Variants in PLD5 observed in about 807,000 individuals in gnomAD.
The protein encoded by PLD5 is inactive phospholipase D5.
A neutral mutation model predicts 61.1 loss-of-function variants in PLD5; 36 were observed. The observed-to-expected ratio is 0.59, with a 90% CI of 0.45 to 0.78. The LOEUF is 0.78. PLD5 is among the 30% of genes least tolerant of loss of function. The pLI, the probability that PLD5 is intolerant of heterozygous loss-of-function variation, is 0.00. For synonymous variants in PLD5, 243 were observed against 242.8 expected (o/e 1.00, Z -0.01); for missense variants, 515 against 644.4 (o/e 0.80, Z 2.17).
At chr1:242,413,629 T>C (rs1413715365) in intron 1 of PLD5, among the ~76,000 whole-genome samples, 4 of 152,148 alleles carry the variant, frequency 2.6e-5, no homozygotes, top group Admixed American at 6.5e-5. Flanking sequence ...TTTAATACAA[T>C]GTGAGTGCAT....
chr1:242,318,486 A>C (rs913403935), intron 2 of PLD5, among the ~76,000 whole-genome samples: 2 of 152,198 alleles, frequency 1.3e-5, no homozygotes, highest in African/African-American at 4.8e-5. Flanking sequence ...GTGACCAGCA[A>C]GCCTCGACAC....
intron 1 of PLD5, among the ~76,000 whole-genome samples, chr1:242,406,417 C>T (rs75648676): frequency 0.04 from 6,118 of 152,210 alleles, 421 homozygotes; most frequent in African/African-American, 0.14. Context: ...ATAACTATGC[C>T]CAAGAAAACA....
chr1:242,186,286 G>A (rs538642259), intron 5 of PLD5, among the ~76,000 whole-genome samples: 7 of 151,840 alleles, frequency 4.6e-5, no homozygotes, highest in Admixed American at 6.6e-5. Flanking sequence ...GGGTTCAAGC[G>A]AACCTCCTGC....
intron 1 of PLD5, among the ~76,000 whole-genome samples, chr1:242,429,188 A>T (rs913577457): frequency 3.3e-5 from 5 of 152,264 alleles, no homozygotes; most frequent in Non-Finnish European, 1.5e-5. Flanking sequence ...AGTTCCAATA[A>T]CCCTCAAAGC....
At chr1:242,125,821 G>C (rs1180576797) in intron 5 of PLD5, among the ~76,000 whole-genome samples, 1 of 152,070 alleles carries the variant, frequency 6.6e-6, no homozygotes, top group East Asian at 1.9e-4. Flanking sequence ...GGACTCCCCA[G>C]TACAACATGG....
upstream of PLD5, among the ~76,000 whole-genome samples, chr1:242,525,617 G>A (rs1669427753): frequency 6.6e-6 from 1 of 152,154 alleles, no homozygotes. Context: ...TGGTGTTCAG[G>A]GTGTCTCGTG....
intron 1 of PLD5, among the ~76,000 whole-genome samples, chr1:242,464,479 AG>A (rs1301030088): frequency 6.6e-6 from 1 of 152,222 alleles, no homozygotes; most frequent in Non-Finnish European, 1.5e-5. Flanking sequence ...CAAACTTGCA[AG>A]GGTGGCTCTA....
At chr1:242,224,984 C>G (rs1416008839) in intron 4 of PLD5, among the ~76,000 whole-genome samples, 1 of 152,156 alleles carries the variant, frequency 6.6e-6, no homozygotes, top group Non-Finnish European at 1.5e-5. Context: ...AAACCCCAGC[C>G]CTTGGCAACT....
chr1:242,159,457 G>C (rs1194838612), intron 5 of PLD5, among the ~76,000 whole-genome samples: 1 of 152,054 alleles, frequency 6.6e-6, no homozygotes, highest in African/African-American at 2.4e-5. Context: ...CTCCTTTTCT[G>C]GCAAGAAAAT....
At chr1:242,269,626 G>T (rs916520147) in intron 3 of PLD5, among the ~76,000 whole-genome samples, 2 of 151,750 alleles carry the variant, frequency 1.3e-5, no homozygotes, top group African/African-American at 2.4e-5. Flanking sequence ...CAAGGAGGTT[G>T]CCGGATGATT....
intron 2 of PLD5, among the ~76,000 whole-genome samples, chr1:242,325,358 GATAT>G (rs35079646): frequency 3.6e-5 from 5 of 137,876 alleles, no homozygotes; most frequent in Non-Finnish European, 4.6e-5. Flanking sequence ...TGCATGGCGA[GATAT>G]ATATATATAT....
chr1:242,406,752 A>T (rs1664254481), intron 1 of PLD5, among the ~76,000 whole-genome samples: 1 of 152,226 alleles, frequency 6.6e-6, no homozygotes, highest in Non-Finnish European at 1.5e-5. Context: ...TAAAATTAAG[A>T]TGTATTTTAT....
intron 5 of PLD5, among the ~76,000 whole-genome samples, chr1:242,161,564 T>C (rs1211009034): frequency 6.6e-6 from 1 of 152,168 alleles, no homozygotes; most frequent in Non-Finnish European, 1.5e-5. Context: ...TTGAGGAAAA[T>C]ATTCATTGTG....
chr1:242,247,026 C>G (rs891723622), intron 4 of PLD5, among the ~76,000 whole-genome samples: 1 of 147,966 alleles, frequency 6.8e-6, no homozygotes. Context: ...CTCTGTCGCC[C>G]AGGCTGGAGT....
chr1:242,256,590 C>T lies in PLD5; in HGVS notation c.607+8747G>A, dbSNP rs568437086. ...CTCTGGGGGATGCAGTAACAAGGCG[C>T]CATCTTGGAAGCACAGAGCAGCTCT... On this transcript the variant is annotated intron_variant, in intron 4 of 9. Transcript: ENST00000536534. The surrounding 1 kb of genome is among the most constrained non-coding windows in gnomAD (Gnocchi z 5.7). 1.3e-5 allele frequency among the ~76,000 whole-genome samples: 2 copies of T among 152,310 alleles called. No individual in the cohort carries two copies. Among genetic ancestry groups the T allele is most frequent in the South Asian group, 4.1e-4 (2 of 4,828 alleles).
Position 242,248,629 on chromosome 1 carries a change from C to T in PLD5, c.607+16708G>A, listed in dbSNP as rs957609333. On this transcript the variant is annotated intron_variant, in intron 4 of 9. Coordinates refer to ENST00000536534, the MANE Select transcript of PLD5 (RefSeq NM_001372062.1). Reference sequence around the variant, plus strand: ...AACAAAGGCTGAAGGGAGCTCATATCCAAGGTTAGTTAAGTCTTCTGGGCA... The same window carrying T: ...AACAAAGGCTGAAGGGAGCTCATATTCAAGGTTAGTTAAGTCTTCTGGGCA... Among the ~76,000 whole-genome samples the T allele has an allele frequency of 5.1e-4, 78 of 151,860 alleles. 1 individual carries two copies. The highest frequency in any genetic ancestry group is 1.8e-3 in the African/African-American group (76 of 41,436).
chr1:242,471,985 T>A (rs542492501), intron 1 of PLD5, among the ~76,000 whole-genome samples: 1 of 152,326 alleles, frequency 6.6e-6, no homozygotes, highest in Non-Finnish European at 1.5e-5. Flanking sequence ...CATCCTTTTT[T>A]AAATTAAGGG....
At chr1:242,202,925 G>A (rs919248157) in intron 5 of PLD5, among the ~76,000 whole-genome samples, 30 of 152,036 alleles carry the variant, frequency 2.0e-4, no homozygotes, top group Non-Finnish European at 4.4e-4. Flanking sequence ...AGGTGTGAGA[G>A]GGGGTCTTTG....
chr1:242,311,472 G>T (rs887743374), intron 2 of PLD5, among the ~76,000 whole-genome samples: 2 of 152,098 alleles, frequency 1.3e-5, no homozygotes, highest in South Asian at 4.1e-4. Flanking sequence ...GTAGGCCCAG[G>T]GACCACACTT....
Sources: gnomAD v4.1 joint callset for allele counts (sites outside exome capture counted in the v4.1 genomes callset) on GRCh38, gnomAD v4.1.1 for gene constraint, Gnocchi (gnomAD v3.1) non-coding constraint, MANE v1.5 for transcripts, NCBI Gene and HGNC (gene_info 2026-07-23, HGNC 2026-07-21) for gene names.